Variants in FBXW11 observed in about 807,000 individuals in gnomAD.
The protein encoded by FBXW11 is F-box/WD repeat-containing protein 11.
Under a neutral mutation model 77.6 loss-of-function variants are expected in FBXW11, and 19 were observed. That is an observed-to-expected ratio of 0.24 (90% CI 0.17 to 0.36). The LOEUF (loss-of-function observed/expected upper bound fraction) is 0.36, where lower values mean the gene tolerates loss of function less well. FBXW11 is among the 10% of genes least tolerant of loss of function. The pLI is 1.00. For missense variants in FBXW11, 334 were observed against 704.2 expected (o/e 0.47, Z 5.95); for synonymous variants, 235 against 249.4 (o/e 0.94, Z 0.54).
intron 3 of FBXW11, among the ~76,000 whole-genome samples, chr5:171,912,848 T>A (rs1029210295): frequency 2.0e-5 from 3 of 151,094 alleles, no homozygotes; most frequent in Non-Finnish European, 2.9e-5. Context: ...AGGCGGAGGG[T>A]GCAGTGAGCT....
At chr5:171,957,039 G>C (rs1763650176) in intron 2 of FBXW11, among the ~76,000 whole-genome samples, 1 of 152,218 alleles carries the variant, frequency 6.6e-6, no homozygotes, top group East Asian at 1.9e-4. Context: ...GGTGGACCCT[G>C]AGGACAGGTG....
intron 1 of FBXW11, among the ~76,000 whole-genome samples, chr5:171,983,937 C>G (rs1013840145): frequency 6.6e-6 from 1 of 151,184 alleles, no homozygotes; most frequent in Non-Finnish European, 1.5e-5. Flanking sequence ...TTTCATCAAC[C>G]AAGTAAAACA....
At chr5:171,875,560 C>T (rs1412552713) in intron 9 of FBXW11, among the ~76,000 whole-genome samples, 2 of 151,788 alleles carry the variant, frequency 1.3e-5, no homozygotes, top group East Asian at 3.9e-4. Flanking sequence ...CTAAAGGCCA[C>T]GGAATTACAC....
intron 2 of FBXW11, among the ~76,000 whole-genome samples, chr5:171,935,908 C>G (rs1762449859): frequency 6.6e-6 from 1 of 151,708 alleles, no homozygotes; most frequent in South Asian, 2.1e-4. Flanking sequence ...GTCAGGAGTT[C>G]GAGACAAGCC....
At chr5:171,870,715 A>G (rs2113754548) in intron 11 of FBXW11, 33 bp downstream of exon 11, 1 of 1,438,990 alleles carries the variant, frequency 6.9e-7, no homozygotes, top group African/African-American at 1.4e-5. Flanking sequence ...TGATACAGTT[A>G]TAGCAGTACA....
At chr5:171,997,730 G>A (rs1766145224) in intron 1 of FBXW11, among the ~76,000 whole-genome samples, 3 of 152,130 alleles carry the variant, frequency 2.0e-5, no homozygotes, top group Admixed American at 1.3e-4. Flanking sequence ...ATTAAGTCCT[G>A]TCCATATTAT....
At chr5:171,994,865 C>T (rs1765943581) in intron 1 of FBXW11, among the ~76,000 whole-genome samples, 1 of 152,104 alleles carries the variant, frequency 6.6e-6, no homozygotes, top group Non-Finnish European at 1.5e-5. Context: ...TGGCGAAACC[C>T]CATCCCTACT....
chr5:171,925,696 G>A (rs1447783358), intron 2 of FBXW11, among the ~76,000 whole-genome samples: 3 of 152,144 alleles, frequency 2.0e-5, no homozygotes, highest in Non-Finnish European at 4.4e-5. Context: ...TGTTGCCCAG[G>A]TTGGGGTTTT....
chr5:171,968,961 TA>T (rs1354257718), intron 1 of FBXW11, among the ~76,000 whole-genome samples: 1 of 152,280 alleles, frequency 6.6e-6, no homozygotes, highest in South Asian at 2.1e-4. Flanking sequence ...ACTACGTTTT[TA>T]AAAGAACATT....
intron 1 of FBXW11, among the ~76,000 whole-genome samples, chr5:171,968,328 G>A (rs1046674347): frequency 5.9e-5 from 9 of 151,942 alleles, no homozygotes; most frequent in Non-Finnish European, 1.2e-4. Context: ...CACAGTGGCA[G>A]GCACCTGCAG....
At chr5:171,988,306 T>A (rs1413803751) in intron 1 of FBXW11, among the ~76,000 whole-genome samples, 4 of 152,000 alleles carry the variant, frequency 2.6e-5, no homozygotes, top group Non-Finnish European at 5.9e-5. Context: ...GTCTGGGACA[T>A]CTTGTTGTGC....
intron 2 of FBXW11, among the ~76,000 whole-genome samples, chr5:171,922,167 T>A (rs1761636380): frequency 6.6e-6 from 1 of 152,160 alleles, no homozygotes; most frequent in Admixed American, 6.5e-5. Context: ...ATTCTCAATT[T>A]TCCATGGAGC....
At chr5:172,000,245 G>A (rs564435870) in intron 1 of FBXW11, among the ~76,000 whole-genome samples, 2 of 152,148 alleles carry the variant, frequency 1.3e-5, no homozygotes, top group Non-Finnish European at 1.5e-5. Context: ...ATGATGGTAA[G>A]AATAAGAATT....
At chr5:171,923,511 A>G (rs1182702571) in intron 2 of FBXW11, among the ~76,000 whole-genome samples, 3 of 152,108 alleles carry the variant, frequency 2.0e-5, no homozygotes, top group Non-Finnish European at 4.4e-5. Flanking sequence ...GTTTTATTTT[A>G]CCTTGTACAT....
intron 1 of FBXW11, among the ~76,000 whole-genome samples, chr5:171,982,735 A>C (rs1382328787): frequency 6.6e-6 from 1 of 152,138 alleles, no homozygotes; most frequent in Non-Finnish European, 1.5e-5. Context: ...AGCCCTTGTT[A>C]CAGTGTTTTG....
At position 171,869,884 on chromosome 5, in the gene FBXW11, T is replaced by G. The variant is rs1298415619; in HGVS notation, c.1452-77A>C. ...TGTCAAACATTTCCTTGAAAAAAAG[T>G]AGTGCATCTGAACTGCCTATTTATA... On this transcript the variant is annotated intron_variant, in intron 11 of 13. Transcript: ENST00000517395. The surrounding 1 kb of genome is among the most constrained non-coding windows in gnomAD (Gnocchi z 4.1). The G allele has an allele frequency of 1.1e-6, 1 of 934,434 alleles. No homozygotes were observed. Among genetic ancestry groups the G allele is most frequent in the African/African-American group, 1.7e-5 (1 of 59,716 alleles). 57.9% of individuals were successfully genotyped at this position (934,434 alleles called of 1,614,324 possible). A position where few individuals can be genotyped will look rare whatever the true frequency, so the allele number is the denominator to read the frequency against.
chr5:171,907,325 TGTC>T (rs1482305341), intron 4 of FBXW11, among the ~76,000 whole-genome samples: 2 of 152,188 alleles, frequency 1.3e-5, no homozygotes, highest in East Asian at 3.8e-4. Flanking sequence ...GTAAGTTGAC[TGTC>T]AATTTCAATA....
At chr5:171,906,972 T>G (rs1471719340) in intron 4 of FBXW11, among the ~76,000 whole-genome samples, 1 of 152,348 alleles carries the variant, frequency 6.6e-6, no homozygotes, top group African/African-American at 2.4e-5. Flanking sequence ...GTTTCAAAAC[T>G]CTTAATTGCT....
chr5:172,005,942 C>G (rs1052075839), intron 1 of FBXW11, among the ~76,000 whole-genome samples: 1 of 152,166 alleles, frequency 6.6e-6, no homozygotes, highest in African/African-American at 2.4e-5. Context: ...TCTGTAGGGC[C>G]TATCCTGGCA....
Sources: gnomAD v4.1 joint callset for allele counts (sites outside exome capture counted in the v4.1 genomes callset) on GRCh38, gnomAD v4.1.1 for gene constraint, Gnocchi (gnomAD v3.1) non-coding constraint, MANE v1.5 for transcripts, NCBI Gene and HGNC (gene_info 2026-07-23, HGNC 2026-07-21) for gene names.